SMYD3: variants seen among roughly 807,000 people sequenced by gnomAD.
SMYD3 encodes the protein histone-lysine N-methyltransferase SMYD3.
In SMYD3, 36 loss-of-function variants were observed where a neutral mutation model predicts 57.7. That is an observed-to-expected ratio of 0.62 (90% CI 0.48 to 0.82). SMYD3 has a LOEUF of 0.82. Ranked by LOEUF, SMYD3 falls within the 40% of genes least tolerant of loss-of-function variation. The pLI, the probability that SMYD3 is intolerant of heterozygous loss-of-function variation, is 0.00. For synonymous variants in SMYD3, 211 were observed against 195.0 expected, an observed-to-expected ratio of 1.08 and a Z score of -0.68; for missense variants, 515 against 538.8, an observed-to-expected ratio of 0.96 and a Z score of 0.44.
At chr1:245,949,136 T>C (rs972262904) in intron 5 of SMYD3, among the ~76,000 whole-genome samples, 1 of 152,202 alleles carries the variant, frequency 6.6e-6, no homozygotes, top group Non-Finnish European at 1.5e-5. Context: ...TGCCATTGCC[T>C]ATGCCACGCC....
intron 5 of SMYD3, among the ~76,000 whole-genome samples, chr1:246,270,568 T>C (rs531598507): frequency 2.6e-5 from 4 of 152,326 alleles, no homozygotes; most frequent in African/African-American, 7.2e-5. Flanking sequence ...TGGAGTCATA[T>C]AGTATTTGTC....
rs139780056 is a variant in SMYD3 at position 245,941,199 on chromosome 1, C to T, written c.532-11262G>A. On this transcript the variant is annotated intron_variant, in intron 5 of 11. Transcript: ENST00000490107. ...ACCAAATCTACGAATGATTGGGGTACCTGAAAGAGCTGGGGAGAACAAAAC... is the reference window on the plus strand; with the variant it reads ...ACCAAATCTACGAATGATTGGGGTATCTGAAAGAGCTGGGGAGAACAAAAC... Among the ~76,000 whole-genome samples the T allele has an allele frequency of 3.0e-3, 456 of 152,204 alleles. 1 individual carries two copies. The highest frequency in any genetic ancestry group is 4.7e-3 in the Non-Finnish European group (320 of 68,012).
intron 5 of SMYD3, among the ~76,000 whole-genome samples, chr1:245,991,718 A>G (rs1294919191): frequency 6.6e-6 from 1 of 152,266 alleles, no homozygotes; most frequent in Admixed American, 6.5e-5. Context: ...GATTCTGACC[A>G]AAACAGAAGC....
intron 5 of SMYD3, among the ~76,000 whole-genome samples, chr1:246,211,637 G>A (rs1488460330): frequency 6.6e-6 from 1 of 152,078 alleles, no homozygotes; most frequent in African/African-American, 2.4e-5. Context: ...ATAAAAGGGG[G>A]AAGAGGTAGT....
chr1:245,765,453 G>C (rs1418178342), intron 10 of SMYD3, among the ~76,000 whole-genome samples: 1 of 152,012 alleles, frequency 6.6e-6, no homozygotes, highest in East Asian at 1.9e-4. Context: ...AAACATTCCT[G>C]CAGGAGTTAA....
At chr1:246,328,206 C>CA (rs113692318) in intron 4 of SMYD3, among the ~76,000 whole-genome samples, 8,392 of 152,010 alleles carry the variant, frequency 0.055, 337 homozygotes, top group African/African-American at 0.11. Flanking sequence ...AAAACAAAGA[C>CA]AAAAAACAAG....
intron 3 of SMYD3, among the ~76,000 whole-genome samples, chr1:246,333,621 C>T (rs544678311): frequency 6.6e-6 from 1 of 152,246 alleles, no homozygotes; most frequent in South Asian, 2.1e-4. Context: ...CCTATATAAT[C>T]CCAGCACTTG....
intron 9 of SMYD3, among the ~76,000 whole-genome samples, chr1:245,859,718 G>A (rs1202910827): frequency 1.3e-5 from 2 of 152,178 alleles, no homozygotes; most frequent in African/African-American, 4.8e-5. Flanking sequence ...CCTTCACCCA[G>A]TGGAGCTCCA....
rs1416627743 is a variant in SMYD3 at position 245,903,192 on chromosome 1, TA to T, written c.813+12337del. ...GACTGAAGAATTCAATGAACAAAAT[TA>T]AAAAATATAATCGAGAAGCTTCAAC... On this transcript the variant is annotated intron_variant, in intron 8 of 11. Transcript: ENST00000490107. Among the ~76,000 whole-genome samples, 23 of 151,818 alleles carry T rather than the reference TA, an allele frequency of 1.5e-4. No individual in the cohort carries two copies. The South Asian group carries it at 2.1e-3, about 14-fold the overall frequency.
chr1:246,190,259 G>T (rs575979600), intron 5 of SMYD3, among the ~76,000 whole-genome samples: 10 of 152,184 alleles, frequency 6.6e-5, no homozygotes, highest in African/African-American at 2.2e-4. Context: ...CACACAGACC[G>T]TAGCGTATAC....
intron 8 of SMYD3, among the ~76,000 whole-genome samples, chr1:245,886,826 T>A (rs959571053): frequency 9.2e-5 from 14 of 152,150 alleles, no homozygotes; most frequent in African/African-American, 3.4e-4. Context: ...AACCTCACTG[T>A]TCTAACAATG....
intron 8 of SMYD3, among the ~76,000 whole-genome samples, chr1:245,885,758 A>G (rs4233245): frequency 1 from 151,942 of 152,306 alleles, 75,792 homozygotes; most frequent in Middle Eastern, 1. Flanking sequence ...TTCTTGAGCT[A>G]AAAGACAATT....
intron 1 of SMYD3, among the ~76,000 whole-genome samples, chr1:246,420,781 AG>A (rs1256637095): frequency 6.6e-6 from 1 of 152,262 alleles, no homozygotes; most frequent in African/African-American, 2.4e-5. Context: ...ATTATAGCAT[AG>A]GTTAGGGAAG....
intron 5 of SMYD3, among the ~76,000 whole-genome samples, chr1:245,985,218 G>A (rs760110866): frequency 2.6e-5 from 4 of 152,090 alleles, no homozygotes; most frequent in South Asian, 2.1e-4. Context: ...CTTGGCTCTC[G>A]TCTTCTGATG....
chr1:245,883,571 C>T (rs1456634657), intron 8 of SMYD3, among the ~76,000 whole-genome samples: 1 of 152,154 alleles, frequency 6.6e-6, no homozygotes, highest in Non-Finnish European at 1.5e-5. Flanking sequence ...ATAATAATTT[C>T]TTTCTTTTGG....
At chr1:246,488,972 T>C (rs2068229025) in intron 1 of SMYD3, among the ~76,000 whole-genome samples, 1 of 152,114 alleles carries the variant, frequency 6.6e-6, no homozygotes, top group Non-Finnish European at 1.5e-5. Flanking sequence ...GAGAGCCAGA[T>C]TTTTAACAAG....
At chr1:246,363,395 C>T (rs1403396650) in intron 1 of SMYD3, among the ~76,000 whole-genome samples, 19 of 151,978 alleles carry the variant, frequency 1.3e-4, no homozygotes, top group Admixed American at 1.2e-3. Context: ...CCCCTCTGCC[C>T]GGCCACCACC....
intron 1 of SMYD3, among the ~76,000 whole-genome samples, chr1:246,405,840 G>A (rs960280805): frequency 2.7e-5 from 4 of 149,894 alleles, no homozygotes; most frequent in Admixed American, 6.7e-5. Flanking sequence ...AACCCAGGAG[G>A]CAGAGCTTGC....
At chr1:246,485,608 C>CG (rs1242214334) in intron 1 of SMYD3, among the ~76,000 whole-genome samples, 1 of 150,784 alleles carries the variant, frequency 6.6e-6, no homozygotes, top group African/African-American at 2.4e-5. Context: ...ACAGTGAGAC[C>CG]CCCCCCCACA....
Sources: gnomAD v4.1 joint callset for allele counts (sites outside exome capture counted in the v4.1 genomes callset) on GRCh38, gnomAD v4.1.1 for gene constraint, MANE v1.5 for transcripts, NCBI Gene and HGNC (gene_info 2026-07-23, HGNC 2026-07-21) for gene names.